The following RARB variants were observed in gnomAD, a reference collection of about 807,000 sequenced individuals.
RARB encodes the protein retinoic acid receptor beta.
RARB carries 17 observed loss-of-function variants against 51.9 expected under a neutral mutation model. That is an observed-to-expected ratio of 0.33 (90% CI 0.22 to 0.49). The LOEUF is 0.49. RARB is among the 20% of genes least tolerant of loss of function. The probability of loss-of-function intolerance (pLI) is 0.99; values close to 1 mark genes in which losing one functional copy is unlikely to be tolerated. For synonymous variants in RARB, 215 were observed against 195.4 expected (o/e 1.10, Z -0.84); for missense variants, 369 against 550.8 (o/e 0.67, Z 3.30).
chr3:25,090,984 A>G (rs917387646), intron 3 of RARB, among the ~76,000 whole-genome samples: 1 of 152,188 alleles, frequency 6.6e-6, no homozygotes, highest in African/African-American at 2.4e-5. Flanking sequence ...AAGCTGAAGT[A>G]GGTTAAAGGA....
At chr3:25,244,687 T>C (rs764563690) in intron 5 of RARB, among the ~76,000 whole-genome samples, 3 of 152,228 alleles carry the variant, frequency 2.0e-5, no homozygotes, top group Admixed American at 6.5e-5. Context: ...GTGTTTGTTA[T>C]GATTTCTCTT....
chr3:25,048,000 A>C (rs963450090), intron 2 of RARB, among the ~76,000 whole-genome samples: 8 of 152,142 alleles, frequency 5.3e-5, no homozygotes, highest in African/African-American at 1.9e-4. Context: ...CATAAATGGG[A>C]GTTCCCCTGC....
intron 1 of RARB, among the ~76,000 whole-genome samples, chr3:24,852,601 AT>A (rs1294524039): frequency 6.6e-6 from 1 of 152,248 alleles, no homozygotes; most frequent in Admixed American, 6.5e-5. Flanking sequence ...ACAAAAAAAA[AT>A]AAATGTCCAC....
At chr3:24,847,132 G>A in intron 1 of RARB, among the ~76,000 whole-genome samples, 1 of 152,154 alleles carries the variant, frequency 6.6e-6, no homozygotes, top group East Asian at 1.9e-4. Context: ...GCTAATCTGG[G>A]ACCACACCGA....
At chr3:25,534,086 A>G (rs557498630) in intron 3 of RARB, among the ~76,000 whole-genome samples, 9 of 152,246 alleles carry the variant, frequency 5.9e-5, no homozygotes, top group Non-Finnish European at 1.0e-4. Context: ...TGCAGCTCCA[A>G]CTTCCTAGAG....
chr3:25,368,261 T>C (rs1402811902), intron 5 of RARB, among the ~76,000 whole-genome samples: 1 of 152,168 alleles, frequency 6.6e-6, no homozygotes, highest in Non-Finnish European at 1.5e-5. Flanking sequence ...GCAAGAAATA[T>C]GAAGGTCTGG....
intron 5 of RARB, among the ~76,000 whole-genome samples, chr3:25,262,452 T>A (rs1364212248): frequency 1.3e-5 from 2 of 152,222 alleles, no homozygotes; most frequent in Non-Finnish European, 2.9e-5. Flanking sequence ...AAATCTAATA[T>A]GGATCTCATT....
chr3:25,453,824 A>G (rs1559410574), intron 1 of RARB, among the ~76,000 whole-genome samples: 1 of 152,170 alleles, frequency 6.6e-6, no homozygotes, highest in African/African-American at 2.4e-5. Context: ...GCCAAAGCCC[A>G]ACAATGATAT....
chr3:25,460,452 ATTTAT>A (rs1695124437), intron 1 of RARB, among the ~76,000 whole-genome samples: 1 of 150,972 alleles, frequency 6.6e-6, no homozygotes, highest in African/African-American at 2.4e-5. Flanking sequence ...TTATTTATTT[ATTTAT>A]TTATTTTTGA....
chr3:25,241,707 G>T (rs547967240), intron 5 of RARB, among the ~76,000 whole-genome samples: 1 of 152,276 alleles, frequency 6.6e-6, no homozygotes, highest in Non-Finnish European at 1.5e-5. Context: ...TCTTTATCCA[G>T]TCTAACATTG....
chr3:24,949,163 C>G (rs1042676263), intron 2 of RARB, among the ~76,000 whole-genome samples: 4 of 152,176 alleles, frequency 2.6e-5, no homozygotes, highest in Non-Finnish European at 5.9e-5. Context: ...TACTCCCCGT[C>G]TTTTAGAACC....
chr3:25,002,778 A>G (rs569147485), intron 2 of RARB, among the ~76,000 whole-genome samples: 1 of 151,890 alleles, frequency 6.6e-6, no homozygotes, highest in African/African-American at 2.4e-5. Context: ...ATATATATGA[A>G]TTTGGACAAA....
chr3:25,370,921 G>A (rs1706279400), intron 5 of RARB, among the ~76,000 whole-genome samples: 1 of 152,112 alleles, frequency 6.6e-6, no homozygotes, highest in Non-Finnish European at 1.5e-5. Flanking sequence ...TGACTGCCGG[G>A]GCACCTTAGC....
intron 5 of RARB, among the ~76,000 whole-genome samples, chr3:25,258,208 GTTTCT>G (rs1232293435): frequency 6.6e-6 from 1 of 152,068 alleles, no homozygotes; most frequent in Non-Finnish European, 1.5e-5. Context: ...GTAATTCCAT[GTTTCT>G]ATGTGGCACT....
In RARB at chr3:25,365,809, G is replaced by A. The variant is rs571204227; in HGVS notation, c.179-95384G>A. 3.3e-5 allele frequency among the ~76,000 whole-genome samples: 5 copies of A among 152,276 alleles called. No individual in the cohort carries two copies. In the South Asian group the frequency reaches 8.3e-4, roughly 25 times the overall value. On this transcript the variant is annotated intron_variant, in intron 5 of 11. Coordinates refer to the RARB transcript ENST00000383772. ...GGTAATCTAACTTGTTATGGGGGCA[G>A]CTCCAGTACAACTATTTCAGTGAAC...
At chr3:25,569,517 C>T (rs1319429926) in intron 3 of RARB, among the ~76,000 whole-genome samples, 1 of 152,196 alleles carries the variant, frequency 6.6e-6, no homozygotes, top group Non-Finnish European at 1.5e-5. Flanking sequence ...TGGGTGAGCC[C>T]AAGCTCTCCA....
At chr3:25,279,802 G>T (rs1481695885) in intron 5 of RARB, among the ~76,000 whole-genome samples, 1 of 152,106 alleles carries the variant, frequency 6.6e-6, no homozygotes, top group African/African-American at 2.4e-5. Context: ...TATCACTGTG[G>T]GTAATTTTGT....
intron 2 of RARB, among the ~76,000 whole-genome samples, chr3:24,907,115 C>T (rs150930980): frequency 6.6e-6 from 1 of 152,200 alleles, no homozygotes; most frequent in East Asian, 1.9e-4. Flanking sequence ...AGGTATTATT[C>T]TAGGCACTAG....
At chr3:25,590,869 G>A (rs1432687671) in intron 5 of RARB, among the ~76,000 whole-genome samples, 1 of 152,214 alleles carries the variant, frequency 6.6e-6, no homozygotes, top group Non-Finnish European at 1.5e-5. Flanking sequence ...ACATCAGGCT[G>A]GGGATTGGAA....
Sources: allele counts gnomAD v4.1 joint callset (sites outside exome capture counted in the v4.1 genomes callset), GRCh38; gene constraint gnomAD v4.1.1; transcripts MANE v1.5; gene names NCBI Gene and HGNC (gene_info 2026-07-23, HGNC 2026-07-21).